The following F11R variants were observed in gnomAD, a reference collection of about 807,000 sequenced individuals.
F11R encodes junctional adhesion molecule A.
A neutral mutation model predicts 39.3 loss-of-function variants in F11R; 27 were observed. The ratio of observed to expected loss-of-function variants is 0.69; its 90% CI spans 0.51 to 0.95. The LOEUF is 0.95. F11R is among the 40% of genes least tolerant of loss of function. The pLI is 0.00. For synonymous variants in F11R, 131 were observed against 144.9 expected (o/e 0.90, Z 0.69); for missense variants, 335 against 372.7 (o/e 0.90, Z 0.83).
intron 1 of F11R, among the ~76,000 whole-genome samples, chr1:161,014,797 G>A (rs1048891631): frequency 6.6e-5 from 10 of 151,662 alleles, no homozygotes; most frequent in Non-Finnish European, 8.8e-5. Context: ...AAAATTAGCC[G>A]GGCAGCTCAC....
chr1:161,000,464 C>T (rs1648414820), intron 4 of F11R, 116 bp from the exon 5 acceptor site: 8 of 1,393,570 alleles, frequency 5.7e-6, no homozygotes, highest in Non-Finnish European at 8.0e-6. Context: ...TCTCACCATG[C>T]CCCTGGCTGC....
chr1:161,011,292 C>A (rs1046420566), intron 1 of F11R, among the ~76,000 whole-genome samples: 3 of 152,038 alleles, frequency 2.0e-5, no homozygotes, highest in Non-Finnish European at 4.4e-5. Flanking sequence ...CCCAGCCTCC[C>A]AAAGTGCTGG....
At chr1:161,008,448 G>A (rs1648947710) in intron 1 of F11R, among the ~76,000 whole-genome samples, 1 of 151,974 alleles carries the variant, frequency 6.6e-6, no homozygotes, top group African/African-American at 2.4e-5. Context: ...CTTGCAGTAA[G>A]CTGAGATGGC....
intron 1 of F11R, among the ~76,000 whole-genome samples, chr1:161,018,058 T>C (rs914314082): frequency 6.6e-6 from 1 of 152,192 alleles, no homozygotes; most frequent in African/African-American, 2.4e-5. Flanking sequence ...CTATCCACAC[T>C]CACCTCTACT....
Position 161,021,035 on chromosome 1 carries a change from G to T in F11R, c.39C>A (p.Cys13Ter). Residue 13 changes from cysteine to a stop codon, truncating the protein, a stop_gained, in exon 1 of 10, where the codon TGC becomes TGA. Coordinates refer to ENST00000368026, the MANE Select transcript of F11R (RefSeq NM_016946.6). LOFTEE classifies it high-confidence loss of function. ...TKAQVERKLL[C>*]LFILAILLCS... ...ACAACAGGATCGCCAATATGAAGAG[G>T]CACAACAGTTTCCTCTCGACTTGCG... is the stretch of plus-strand genomic sequence containing the variant. 6.2e-7 allele frequency: 1 copy of T among 1,613,992 alleles called. No homozygotes were observed. The highest frequency in any genetic ancestry group is 1.6e-4 in the Middle Eastern group (1 of 6,062).
chr1:161,001,410 G>A (rs1648484040), intron 1 of F11R, 57 bp from the exon 2 acceptor site: 5 of 1,502,210 alleles, frequency 3.3e-6, no homozygotes, highest in Non-Finnish European at 4.6e-6. Context: ...ATGCCAGGAA[G>A]AAGGAGTCAC....
rs762580594 is a variant in F11R at position 161,000,686 on chromosome 1, G to C, written c.333C>G (p.Val111=). The change falls in exon 4 of 10, where the codon GTC becomes GTG. Residue 111 remains valine, a synonymous_variant. Coordinates refer to ENST00000368026, the MANE Select transcript of F11R (RefSeq NM_016946.6). ...CATAGCTGTTGCCGCCTTCCTCAGAGACCATACAAGTGTATGTCCCAGTGT... is the reference window on the plus strand; with the variant it reads ...CATAGCTGTTGCCGCCTTCCTCAGACACCATACAAGTGTATGTCCCAGTGT... ...REDTGTYTCM[V]SEEGGNSYGE... 1.2e-6 allele frequency: 2 copies of C among 1,614,174 alleles called. No individual in the cohort carries two copies. Among genetic ancestry groups the C allele is most frequent in the South Asian group, 1.1e-5 (1 of 91,086 alleles).
At chr1:161,014,472 G>C (rs1649337678) in intron 1 of F11R, among the ~76,000 whole-genome samples, 1 of 152,168 alleles carries the variant, frequency 6.6e-6, no homozygotes, top group African/African-American at 2.4e-5. Flanking sequence ...GAAAGGCCAA[G>C]GCAAAAGGAT....
At chr1:160,999,183 A>G in intron 8 of F11R, 92 bp from the exon 9 acceptor site, 2 of 1,563,990 alleles carry the variant, frequency 1.3e-6, no homozygotes, top group East Asian at 4.5e-5. Context: ...CGAGAATGCT[A>G]CAGAAGCACA....
chr1:161,000,886 G>T, intron 3 of F11R, 109 bp from the exon 4 acceptor site: 3 of 1,513,742 alleles, frequency 2.0e-6, no homozygotes, highest in South Asian at 1.2e-5. Context: ...CCCCAGAAAG[G>T]GGGGTAGGAA....
intron 1 of F11R, among the ~76,000 whole-genome samples, chr1:161,003,510 G>A (rs549185187): frequency 7.2e-4 from 109 of 152,188 alleles, no homozygotes; most frequent in African/African-American, 2.5e-3. Context: ...TGATCTGCCC[G>A]CTGCAGCCGC....
At chr1:161,005,519 G>C (rs889035514) in intron 1 of F11R, among the ~76,000 whole-genome samples, 2 of 151,936 alleles carry the variant, frequency 1.3e-5, no homozygotes, top group African/African-American at 4.8e-5. Context: ...TTACAAGCAC[G>C]AGCCACCATG....
At chr1:161,001,173 T>C in intron 2 of F11R, 46 bp from the exon 3 acceptor site, 1 of 1,602,622 alleles carries the variant, frequency 6.2e-7, no homozygotes, top group South Asian at 1.1e-5. Context: ...CAGCAGCAAA[T>C]ACACGAGATG....
intron 1 of F11R, 40 bp from the exon 2 acceptor site, chr1:161,001,393 C>G (rs1557890174): frequency 4.5e-6 from 7 of 1,567,524 alleles, no homozygotes; most frequent in Non-Finnish European, 5.3e-6. Context: ...CAGGAGTGGA[C>G]AGAGAAATGC....
At chr1:160,999,320 T>G in intron 8 of F11R, 76 bp downstream of exon 8, 1 of 1,596,236 alleles carries the variant, frequency 6.3e-7, no homozygotes, top group Non-Finnish European at 8.6e-7. Context: ...CCCATTCCCC[T>G]AGGCCCACTT....
At chr1:161,015,407 A>AAAAT (rs571469825) in intron 1 of F11R, among the ~76,000 whole-genome samples, 100 of 136,162 alleles carry the variant, frequency 7.3e-4, no homozygotes, top group South Asian at 2.3e-3. Flanking sequence ...CAAAAAAAAA[A>AAAAT]ATATATATAT....
At chr1:161,016,085 C>A (rs1381374032) in intron 1 of F11R, among the ~76,000 whole-genome samples, 1 of 152,110 alleles carries the variant, frequency 6.6e-6, no homozygotes, top group Admixed American at 6.5e-5. Flanking sequence ...CGCCTGTAAT[C>A]CCAGCACTTT....
In F11R at chr1:161,015,590, C is replaced by CA. The variant is rs35166075; in HGVS notation, c.64+5419dup. ...TGGGCAACACAGCAAGACTTTGTCT[C>CA]AAAAAAAAAAAAAAAGGCTGCAGTG... On this transcript the variant is annotated intron_variant, in intron 1 of 9. Transcript: ENST00000368026. 4.9e-4 allele frequency among the ~76,000 whole-genome samples: 63 copies of CA among 127,860 alleles called. 1 individual carries two copies. Among genetic ancestry groups the CA allele is most frequent in the East Asian group, 2.3e-3 (10 of 4,324 alleles). The allele number at this position is 127,860 out of a possible 152,430, so 83.9% of individuals were successfully genotyped here. A position where few individuals can be genotyped will look rare whatever the true frequency, so the allele number is the denominator to read the frequency against.
intron 1 of F11R, among the ~76,000 whole-genome samples, chr1:161,008,372 G>A (rs1338848490): frequency 1.3e-5 from 2 of 152,048 alleles, no homozygotes; most frequent in African/African-American, 2.4e-5. Context: ...GCAGGCACCT[G>A]TAGTCCCTAG....
Sources: gnomAD v4.1 joint callset for allele counts (sites outside exome capture counted in the v4.1 genomes callset) on GRCh38, gnomAD v4.1.1 for gene constraint, MANE v1.5 for transcripts, NCBI Gene and HGNC (gene_info 2026-07-23, HGNC 2026-07-21) for gene names.